Variants in TP63 observed in about 807,000 individuals in gnomAD.
The protein encoded by TP63 is tumor protein p63.
A neutral mutation model predicts 82.8 loss-of-function variants in TP63; 17 were observed. That is an observed-to-expected ratio of 0.21 (90% CI 0.14 to 0.31). The LOEUF (loss-of-function observed/expected upper bound fraction) is 0.31. TP63 is among the 10% of genes least tolerant of loss of function. The probability of loss-of-function intolerance (pLI) is 1.00; values close to 1 mark genes in which losing one functional copy is unlikely to be tolerated. For synonymous variants in TP63, 330 were observed against 321.7 expected, an observed-to-expected ratio of 1.03 and a Z score of -0.28; for missense variants, 648 against 895.3, an observed-to-expected ratio of 0.72 and a Z score of 3.52.
chr3:189,645,706 C>G (rs549651549), intron 1 of TP63, among the ~76,000 whole-genome samples: 2 of 145,588 alleles, frequency 1.4e-5, no homozygotes, highest in Admixed American at 1.4e-4. Flanking sequence ...TGCCCTGTGT[C>G]CATGTGTTCT....
At chr3:189,835,173 C>G (rs575670306) in intron 4 of TP63, among the ~76,000 whole-genome samples, 2 of 152,160 alleles carry the variant, frequency 1.3e-5, no homozygotes, top group Middle Eastern at 3.4e-3. Context: ...ACTTTATATT[C>G]TCAGATTCTG....
chr3:189,657,334 T>C (rs954191569), intron 1 of TP63, among the ~76,000 whole-genome samples: 1 of 152,122 alleles, frequency 6.6e-6, no homozygotes, highest in Admixed American at 6.6e-5. Flanking sequence ...TCAATGTATA[T>C]AAATTTTGTG....
intron 10 of TP63, among the ~76,000 whole-genome samples, chr3:189,879,272 G>A (rs1027746471): frequency 1.3e-5 from 2 of 152,282 alleles, no homozygotes; most frequent in Non-Finnish European, 1.5e-5. Context: ...AAGCCAATCT[G>A]GGAAACAATT....
chr3:189,856,207 G>C (rs16864848), intron 4 of TP63, among the ~76,000 whole-genome samples: 3,755 of 151,114 alleles, frequency 0.025, 157 homozygotes, highest in African/African-American at 0.086. Context: ...GAGAAAATAA[G>C]TTTGAGCTAG....
At chr3:189,789,750 A>G in intron 3 of TP63, 1 of 1,558,422 alleles carries the variant, frequency 6.4e-7, no homozygotes, top group East Asian at 2.4e-5. Context: ...GGTTGGCAAA[A>G]TCCTGGAGCC....
intron 3 of TP63, among the ~76,000 whole-genome samples, chr3:189,777,839 CTTCTTCTTTTTTTTTTTT>C (rs1723923502): frequency 1.2e-5 from 1 of 80,424 alleles, no homozygotes; most frequent in Non-Finnish European, 2.4e-5. Context: ...TCTTCTTCTT[CTTCTTCTTTTTTTTTTTT>C]TTTTTTTTTT....
chr3:189,705,943 A>G (rs1718164945), intron 1 of TP63, among the ~76,000 whole-genome samples: 1 of 152,218 alleles, frequency 6.6e-6, no homozygotes, highest in Non-Finnish European at 1.5e-5. Flanking sequence ...GGATATCCAT[A>G]AAGAAGCCTA....
intron 1 of TP63, among the ~76,000 whole-genome samples, chr3:189,703,905 A>T (rs1049988018): frequency 2.0e-5 from 3 of 152,202 alleles, no homozygotes; most frequent in Non-Finnish European, 2.9e-5. Flanking sequence ...CTGGCCTCTG[A>T]TGGAGAGTCT....
the TP63 span, among the ~76,000 whole-genome samples, chr3:189,618,854 G>A: frequency 5.2e-4 from 79 of 152,056 alleles, no homozygotes; most frequent in African/African-American, 1.4e-3. Flanking sequence ...CTTATCTACC[G>A]TCTTGTAGGG....
chr3:189,739,557 A>C (rs1478569926), intron 3 of TP63, among the ~76,000 whole-genome samples: 1 of 152,172 alleles, frequency 6.6e-6, no homozygotes, highest in Non-Finnish European at 1.5e-5. Context: ...TGGTAACAGA[A>C]TAAGAGGGAG....
At chr3:189,891,386 T>A (rs1721003040) in intron 13 of TP63, among the ~76,000 whole-genome samples, 1 of 152,238 alleles carries the variant, frequency 6.6e-6, no homozygotes, top group Non-Finnish European at 1.5e-5. Flanking sequence ...ACTGGCCTTT[T>A]CTGCCTTTCT....
intron 4 of TP63, among the ~76,000 whole-genome samples, chr3:189,862,520 C>T (rs2108791910): frequency 6.6e-6 from 1 of 152,274 alleles, no homozygotes; most frequent in East Asian, 1.9e-4. Flanking sequence ...TTTCTGCAAT[C>T]TTTACATACT....
chr3:189,742,849 A>G (rs1380033406), intron 3 of TP63, among the ~76,000 whole-genome samples: 2 of 152,230 alleles, frequency 1.3e-5, no homozygotes, highest in Admixed American at 6.5e-5. Flanking sequence ...AGAAAAAGGA[A>G]TGATTTAGTG....
At chr3:189,694,096 G>A (rs963554992) in intron 1 of TP63, among the ~76,000 whole-genome samples, 2 of 152,062 alleles carry the variant, frequency 1.3e-5, no homozygotes, top group Non-Finnish European at 2.9e-5. Context: ...ATTAAACAGC[G>A]GAACAGAAAT....
At position 189,895,086 on chromosome 3, in the gene TP63, G is replaced by T. The variant is rs1560313010; in HGVS notation, c.*584G>T. 1 of 221,466 alleles carries T rather than the reference G, an allele frequency of 4.5e-6. No individual in the cohort carries two copies. Among genetic ancestry groups the T allele is most frequent in the Non-Finnish European group, 9.0e-6 (1 of 110,574 alleles). The allele number at this position is 221,466 out of a possible 1,614,324, so 13.7% of individuals were successfully genotyped here. A position where few individuals can be genotyped will look rare whatever the true frequency, so the allele number is the denominator to read the frequency against. On this transcript the variant is annotated 3_prime_UTR_variant, in exon 14 of 14. Coordinates refer to ENST00000264731, the MANE Select transcript of TP63 (RefSeq NM_003722.5). ...TCAGTTCTTTGGATTCTAAATACAT[G>T]CCACATCAAACCTTTGAGTAGATCC...
chr3:189,856,357 GA>G (rs1012555148), intron 4 of TP63, among the ~76,000 whole-genome samples: 5 of 151,648 alleles, frequency 3.3e-5, no homozygotes, highest in African/African-American at 1.2e-4. Flanking sequence ...TCAGTATTAA[GA>G]ATTAGATATA....
intron 1 of TP63, among the ~76,000 whole-genome samples, chr3:189,687,161 TTGTCTTC>T (rs1195643218): frequency 1.3e-5 from 2 of 152,074 alleles, no homozygotes; most frequent in Non-Finnish European, 2.9e-5. Flanking sequence ...ATGAGCTCCA[TTGTCTTC>T]AGTTAGGTTC....
intron 3 of TP63, among the ~76,000 whole-genome samples, chr3:189,741,344 G>A (rs1252360843): frequency 6.6e-6 from 1 of 152,124 alleles, no homozygotes; most frequent in Non-Finnish European, 1.5e-5. Context: ...TAACAAGAAT[G>A]GAAAAATGGT....
chr3:189,822,969 C>T (rs1728949353), intron 4 of TP63, among the ~76,000 whole-genome samples: 1 of 152,166 alleles, frequency 6.6e-6, no homozygotes, highest in Non-Finnish European at 1.5e-5. Context: ...GTGAGACACC[C>T]TTGACTCAAG....
Sources: allele counts gnomAD v4.1 joint callset (sites outside exome capture counted in the v4.1 genomes callset), GRCh38; gene constraint gnomAD v4.1.1; transcripts MANE v1.5; gene names NCBI Gene and HGNC (gene_info 2026-07-23, HGNC 2026-07-21).